LRIG1: variants seen among roughly 807,000 people sequenced by gnomAD.
LRIG1 encodes leucine rich repeats and immunoglobulin like domains 1, also known as leucine-rich repeats and immunoglobulin-like domains protein 1.
A neutral mutation model predicts 99.2 loss-of-function variants in LRIG1; 48 were observed. The observed-to-expected ratio is 0.48, with a 90% CI of 0.38 to 0.62. The LOEUF (loss-of-function observed/expected upper bound fraction) is 0.62. Ranked by LOEUF, LRIG1 falls within the 20% of genes least tolerant of loss-of-function variation. The pLI is 0.00. For missense variants in LRIG1, 1,646 were observed against 1,434.4 expected, an observed-to-expected ratio of 1.15 and a Z score of -2.38; for synonymous variants, 772 against 596.1, an observed-to-expected ratio of 1.29 and a Z score of -4.30.
At chr3:66,460,279 G>C (rs965654666) in intron 2 of LRIG1, among the ~76,000 whole-genome samples, 9 of 152,204 alleles carry the variant, frequency 5.9e-5, no homozygotes, top group African/African-American at 2.2e-4. Context: ...GATGTACACA[G>C]AATTTGAATA....
intron 13 of LRIG1, 94 bp downstream of exon 13, chr3:66,385,878 GTGTGTGTCC>G: frequency 9.4e-7 from 1 of 1,065,468 alleles, no homozygotes; most frequent in South Asian, 1.5e-5. Flanking sequence ...ACAGAAGCAT[GTGTGTGTCC>G]TGTCTCAGTC....
chr3:66,439,377 AG>A (rs948534456), intron 3 of LRIG1, among the ~76,000 whole-genome samples: 1 of 152,244 alleles, frequency 6.6e-6, no homozygotes, highest in African/African-American at 2.4e-5. Context: ...AAAAAGTCCA[AG>A]GGGAATTTTT....
chr3:66,452,557 A>G (rs11706832), intron 2 of LRIG1, among the ~76,000 whole-genome samples: 1 of 152,028 alleles, frequency 6.6e-6, no homozygotes, highest in Non-Finnish European at 1.5e-5. Context: ...TTGCGATGCA[A>G]AGTCAAGGGG....
chr3:66,443,510 G>A (rs921759986), intron 3 of LRIG1, among the ~76,000 whole-genome samples: 6 of 152,158 alleles, frequency 3.9e-5, no homozygotes, highest in African/African-American at 1.4e-4. Context: ...CTCTGTGTAG[G>A]GGAAGAGAAA....
At position 66,383,420 on chromosome 3, in the gene LRIG1, G is replaced by T; in HGVS notation, c.2072-19C>A. On this transcript the variant is annotated intron_variant, in intron 14 of 18. Transcript: ENST00000273261. The stretch of plus-strand genomic sequence containing the variant: ...GGGGTCTCTACAAGAGAGCAACAGA[G>T]ATCTTAGTCATTCTCAGGGCCTCCG... 1 of 1,522,922 alleles carries T rather than the reference G, an allele frequency of 6.6e-7. No individual in the cohort carries two copies. The highest frequency in any genetic ancestry group is 8.8e-7 in the Non-Finnish European group (1 of 1,132,372). 94.3% of individuals were successfully genotyped at this position (1,522,922 alleles called of 1,614,324 possible). A position where few individuals can be genotyped will look rare whatever the true frequency, so the allele number is the denominator to read the frequency against.
At chr3:66,439,942 G>A (rs1422430358) in intron 3 of LRIG1, among the ~76,000 whole-genome samples, 3 of 152,046 alleles carry the variant, frequency 2.0e-5, no homozygotes, top group African/African-American at 7.2e-5. Context: ...CCTCTACTAG[G>A]GATCCCCAGA....
intron 9 of LRIG1, among the ~76,000 whole-genome samples, chr3:66,401,982 G>A (rs1016532953): frequency 8.5e-5 from 13 of 152,064 alleles, no homozygotes; most frequent in African/African-American, 1.7e-4. Context: ...ACTAGCCCCC[G>A]CTTCCCACCC....
intron 12 of LRIG1, among the ~76,000 whole-genome samples, chr3:66,393,551 AG>A (rs1206183251): frequency 1.3e-5 from 2 of 152,260 alleles, no homozygotes; most frequent in African/African-American, 4.8e-5. Context: ...TAAAGCTGCA[AG>A]TGCAGATTTC....
intron 9 of LRIG1, 57 bp from the exon 10 acceptor site, chr3:66,399,098 G>C (rs1042007497): frequency 1.5e-6 from 2 of 1,375,888 alleles, no homozygotes; most frequent in African/African-American, 1.4e-5. Context: ...AAACAGGAAG[G>C]GTTGAGAGAA....
At chr3:66,478,508 A>G (rs999361048) in intron 1 of LRIG1, among the ~76,000 whole-genome samples, 4 of 152,222 alleles carry the variant, frequency 2.6e-5, no homozygotes, top group Non-Finnish European at 1.5e-5. Flanking sequence ...ACACAGGTCA[A>G]TAAGGTAGGC....
chr3:66,425,026 G>C (rs937138255), intron 3 of LRIG1, among the ~76,000 whole-genome samples: 1 of 152,104 alleles, frequency 6.6e-6, no homozygotes, highest in Admixed American at 6.6e-5. Context: ...ACTTAGGATG[G>C]GTTTATCTGG....
In LRIG1 at chr3:66,394,212, AAC is replaced by A. The variant is rs1701749831; in HGVS notation, c.1305-11_1305-10del. On this transcript the variant is annotated splice_polypyrimidine_tract_variant and intron_variant, in intron 11 of 18. Transcript: ENST00000273261. ...TGTCGCTGCTGATATGGCTGAAAGA[AAC>A]ACAACAGTGGATGCTTCAGGTGCAG... 3.2e-6 allele frequency: 5 copies of A among 1,575,288 alleles called. No homozygotes were observed. Among genetic ancestry groups the A allele is most frequent in the Non-Finnish European group, 4.3e-6 (5 of 1,162,540 alleles).
intron 3 of LRIG1, among the ~76,000 whole-genome samples, chr3:66,450,259 T>C (rs1247509004): frequency 6.6e-6 from 1 of 152,116 alleles, no homozygotes; most frequent in Non-Finnish European, 1.5e-5. Flanking sequence ...GGTGAGATCC[T>C]GCCAAGATCC....
intron 6 of LRIG1, 76 bp downstream of exon 6, chr3:66,412,795 G>A (rs376440621): frequency 7.4e-4 from 1,104 of 1,484,922 alleles, no homozygotes; most frequent in Non-Finnish European, 9.5e-4. Flanking sequence ...ACATGCATGC[G>A]CACACACACA....
chr3:66,482,217 T>C (rs1050133450), intron 1 of LRIG1, among the ~76,000 whole-genome samples: 1 of 152,240 alleles, frequency 6.6e-6, no homozygotes, highest in African/African-American at 2.4e-5. Flanking sequence ...GATGTCCTGG[T>C]TCAGAGTCAA....
chr3:66,483,234 C>T (rs934241561), intron 1 of LRIG1, among the ~76,000 whole-genome samples: 22 of 152,202 alleles, frequency 1.4e-4, no homozygotes, highest in African/African-American at 5.3e-4. Context: ...TGCTAGCATG[C>T]CTGGGAGACT....
chr3:66,391,449 A>G (rs1701614651), intron 12 of LRIG1, among the ~76,000 whole-genome samples: 1 of 152,232 alleles, frequency 6.6e-6, no homozygotes, highest in Non-Finnish European at 1.5e-5. Flanking sequence ...CCATTTATTC[A>G]GCCATGAAAA....
At chr3:66,413,063 A>T (rs774823320) in intron 5 of LRIG1, 49 bp from the exon 6 acceptor site, 2 of 1,602,552 alleles carry the variant, frequency 1.2e-6, no homozygotes, top group Non-Finnish European at 1.7e-6. Flanking sequence ...TGCATATCCC[A>T]CCCACAACCA....
chr3:66,389,434 A>T (rs569242803), intron 12 of LRIG1, among the ~76,000 whole-genome samples: 26 of 152,154 alleles, frequency 1.7e-4, no homozygotes, highest in Admixed American at 9.2e-4. Flanking sequence ...CATAATGGAT[A>T]AAAAAAACTA....
Sources: allele counts gnomAD v4.1 joint callset (sites outside exome capture counted in the v4.1 genomes callset), GRCh38; gene constraint gnomAD v4.1.1; transcripts MANE v1.5; gene names NCBI Gene and HGNC (gene_info 2026-07-23, HGNC 2026-07-21).